The following STARD13 variants were observed in gnomAD, a reference collection of about 807,000 sequenced individuals.
The protein encoded by STARD13 is stAR-related lipid transfer protein 13.
In STARD13, 62 loss-of-function variants were observed where a neutral mutation model predicts 106.4. The ratio of observed to expected loss-of-function variants is 0.58; its 90% CI spans 0.48 to 0.72. The LOEUF (loss-of-function observed/expected upper bound fraction) is 0.72. Among genes scored for constraint, STARD13 ranks in the 30% least tolerant of loss-of-function variants. The probability of loss-of-function intolerance (pLI) is 0.00; values close to 1 mark genes in which losing one functional copy is unlikely to be tolerated. For missense variants in STARD13, 1,387 were observed against 1,424.0 expected (o/e 0.97, Z 0.42); for synonymous variants, 565 against 553.0 (o/e 1.02, Z -0.31).
At chr13:33,171,635 G>A (rs1883971055) in intron 1 of STARD13, among the ~76,000 whole-genome samples, 1 of 152,176 alleles carries the variant, frequency 6.6e-6, no homozygotes, top group Non-Finnish European at 1.5e-5. Flanking sequence ...TGATTCTTAA[G>A]AGCACCCCAT....
chr13:33,389,657 T>G, the STARD13 span, among the ~76,000 whole-genome samples: 1 of 152,218 alleles, frequency 6.6e-6, no homozygotes, highest in Non-Finnish European at 1.5e-5. Flanking sequence ...CATTGTTCAT[T>G]CACATTTAAT....
chr13:33,533,165 A>G, the STARD13 span, among the ~76,000 whole-genome samples: 2 of 152,210 alleles, frequency 1.3e-5, no homozygotes, highest in African/African-American at 2.4e-5. Context: ...TTGTCAGAGT[A>G]GTGACCATGT....
chr13:33,530,149 CA>C, the STARD13 span, among the ~76,000 whole-genome samples: 1 of 151,002 alleles, frequency 6.6e-6, no homozygotes, highest in African/African-American at 2.4e-5. Flanking sequence ...GCTTCTTCAA[CA>C]CCTTATTTTT....
chr13:33,179,951 GA>G (rs1386985201), intron 1 of STARD13, among the ~76,000 whole-genome samples: 2 of 152,210 alleles, frequency 1.3e-5, no homozygotes, highest in Non-Finnish European at 2.9e-5. Flanking sequence ...CTTGGAAGTA[GA>G]ATCTCATGCT....
At chr13:33,536,724 T>C in the STARD13 span, among the ~76,000 whole-genome samples, 2 of 152,228 alleles carry the variant, frequency 1.3e-5, no homozygotes, top group Non-Finnish European at 2.9e-5. Flanking sequence ...ACCACCTGGT[T>C]TTCCTCTTTA....
chr13:33,211,212 C>T (rs1057390791), intron 1 of STARD13, among the ~76,000 whole-genome samples: 133 of 150,524 alleles, frequency 8.8e-4, no homozygotes, highest in African/African-American at 3.1e-3. Flanking sequence ...AAAAATATTA[C>T]ATAAAACATG....
intron 7 of STARD13, among the ~76,000 whole-genome samples, chr13:33,119,516 C>T (rs1441992423): frequency 6.6e-6 from 1 of 152,200 alleles, no homozygotes; most frequent in Admixed American, 6.5e-5. Context: ...TTCCTGATTG[C>T]TGCAACAAAT....
intron 3 of STARD13, among the ~76,000 whole-genome samples, chr13:33,145,554 A>G (rs1432990848): frequency 6.6e-6 from 1 of 152,162 alleles, no homozygotes; most frequent in Non-Finnish European, 1.5e-5. Context: ...TGCTGTAAAA[A>G]GATTTGTACT....
downstream of STARD13, among the ~76,000 whole-genome samples, chr13:33,346,788 A>C (rs6561868): frequency 0.98 from 149,399 of 151,794 alleles, 73,557 homozygotes; most frequent in South Asian, 1. Context: ...TGCCACCATG[A>C]CAGGCTAATT....
the STARD13 span, among the ~76,000 whole-genome samples, chr13:33,634,599 A>G: frequency 6.6e-6 from 1 of 152,286 alleles, no homozygotes; most frequent in Non-Finnish European, 1.5e-5. Flanking sequence ...CTTACATCCA[A>G]AATCCTGAAA....
chr13:33,623,539 A>G, the STARD13 span, among the ~76,000 whole-genome samples: 2 of 151,666 alleles, frequency 1.3e-5, no homozygotes, highest in Non-Finnish European at 2.9e-5. Context: ...AACCTTTGTC[A>G]GGTTTTGGTA....
intron 1 of STARD13, among the ~76,000 whole-genome samples, chr13:33,303,901 C>T (rs1443071703): frequency 1.3e-5 from 2 of 152,206 alleles, no homozygotes; most frequent in African/African-American, 4.8e-5. Flanking sequence ...ACTTCAAATT[C>T]TATATTACTC....
At chr13:33,301,713 A>G (rs1442812466) in intron 1 of STARD13, among the ~76,000 whole-genome samples, 1 of 151,344 alleles carries the variant, frequency 6.6e-6, no homozygotes, top group African/African-American at 2.4e-5. Context: ...GACTACCGGC[A>G]CCCGCCACCA....
At chr13:33,172,489 T>C (rs1884078216) in intron 1 of STARD13, among the ~76,000 whole-genome samples, 1 of 152,178 alleles carries the variant, frequency 6.6e-6, no homozygotes, top group Admixed American at 6.5e-5. Flanking sequence ...CAAGGCTCTG[T>C]AGGACCTCAG....
intron 3 of STARD13, among the ~76,000 whole-genome samples, chr13:33,161,617 C>A (rs980114525): frequency 2.0e-5 from 3 of 152,136 alleles, no homozygotes; most frequent in Admixed American, 6.5e-5. Flanking sequence ...ACCTGGTCTG[C>A]TCTATATGTT....
chr13:33,609,751 A>G, the STARD13 span, among the ~76,000 whole-genome samples: 1,669 of 151,928 alleles, frequency 0.011, 95 homozygotes, highest in Admixed American at 0.091. Flanking sequence ...TATTTTTAGT[A>G]GAGACGTGGT....
chr13:33,222,758 G>T (rs1287081869), intron 1 of STARD13, among the ~76,000 whole-genome samples: 1 of 152,194 alleles, frequency 6.6e-6, no homozygotes, highest in East Asian at 1.9e-4. Context: ...ATGTGTAAAT[G>T]GCAAGGCCCT....
intron 1 of STARD13, among the ~76,000 whole-genome samples, chr13:33,250,927 T>C (rs2138284506): frequency 6.6e-6 from 1 of 152,274 alleles, no homozygotes; most frequent in South Asian, 2.1e-4. Context: ...TCATAGGGCA[T>C]GGCATGGTGT....
chr13:33,390,109 T>C, the STARD13 span, among the ~76,000 whole-genome samples: 1 of 152,140 alleles, frequency 6.6e-6, no homozygotes, highest in Admixed American at 6.5e-5. Context: ...TGCTAGGGTC[T>C]GGAAAAGGTA....
Sources: gnomAD v4.1 joint callset for allele counts (sites outside exome capture counted in the v4.1 genomes callset) on GRCh38, gnomAD v4.1.1 for gene constraint, MANE v1.5 for transcripts, NCBI Gene and HGNC (gene_info 2026-07-23, HGNC 2026-07-21) for gene names.